NCKAP5: variants seen among roughly 807,000 people sequenced by gnomAD.
NCKAP5 encodes NCK associated protein 5.
A neutral mutation model predicts 167.0 loss-of-function variants in NCKAP5; 92 were observed. That is an observed-to-expected ratio of 0.55 (90% CI 0.47 to 0.66). The LOEUF is 0.66. Ranked by LOEUF, NCKAP5 falls within the 30% of genes least tolerant of loss-of-function variation. NCKAP5 has a pLI of 0.00. For synonymous variants in NCKAP5, 891 were observed against 877.4 expected (o/e 1.02, Z -0.27); for missense variants, 2,378 against 2,315.0 (o/e 1.03, Z -0.56).
chr2:132,951,277 G>A (rs1272433421), intron 8 of NCKAP5, among the ~76,000 whole-genome samples: 1 of 152,148 alleles, frequency 6.6e-6, no homozygotes, highest in East Asian at 1.9e-4. Context: ...CTGTAACTAA[G>A]GCGTTCCAAT....
At chr2:133,051,492 C>T (rs111489757) in intron 6 of NCKAP5, among the ~76,000 whole-genome samples, 11 of 152,084 alleles carry the variant, frequency 7.2e-5, no homozygotes, top group African/African-American at 2.7e-4. Flanking sequence ...TTCACTTGGT[C>T]AAAATTAAAG....
chr2:133,097,582 G>C (rs375202419), intron 6 of NCKAP5, among the ~76,000 whole-genome samples: 2 of 152,148 alleles, frequency 1.3e-5, no homozygotes, highest in African/African-American at 4.8e-5. Context: ...GATTCAATAA[G>C]AAAGAAAGGA....
intron 3 of NCKAP5, among the ~76,000 whole-genome samples, chr2:133,492,144 A>AGTGTGT (rs371797170): frequency 0.024 from 3,430 of 141,648 alleles, 153 homozygotes; most frequent in African/African-American, 0.087. Context: ...ATATCTAGTT[A>AGTGTGT]GTGTGTGTGT....
At chr2:132,754,582 G>T (rs1680379541) in intron 16 of NCKAP5, among the ~76,000 whole-genome samples, 1 of 152,234 alleles carries the variant, frequency 6.6e-6, no homozygotes, top group Non-Finnish European at 1.5e-5. Context: ...ACTCCCTGAA[G>T]AAGTAGGGCA....
Position 133,213,718 on chromosome 2 carries a change from T to C in NCKAP5, c.205A>G (p.Met69Val), listed in dbSNP as rs929018156. 8.1e-6 allele frequency: 13 copies of C among 1,613,710 alleles called. No individual in the cohort carries two copies. The highest frequency in any genetic ancestry group is 1.3e-5 in the African/African-American group (1 of 75,034). The change falls in exon 5 of 20, where the codon ATG becomes GTG. Residue 69 changes from methionine (M) to valine (V), a missense_variant and splice_region_variant. This residue lies in a region of NCKAP5 where 1,049 missense variants were observed against 1,023.4 expected (regional missense o/e 1.02). Transcript: ENST00000409261. Reference protein sequence around the residue: ...EVAQRTSEGAMHEKLIHELEE... With the variant: ...EVAQRTSEGAVHEKLIHELEE... Reference sequence around the variant, plus strand: ...AGGGGACGGCAGTCAGGACTTACCATGGCCCCCTCACTTGTTCTTTGGGCA... The same window carrying C: ...AGGGGACGGCAGTCAGGACTTACCACGGCCCCCTCACTTGTTCTTTGGGCA...
At chr2:133,566,892 G>GA (rs1247653144) in intron 1 of NCKAP5, among the ~76,000 whole-genome samples, 1 of 152,140 alleles carries the variant, frequency 6.6e-6, no homozygotes, top group African/African-American at 2.4e-5. Flanking sequence ...TGTTCTGATG[G>GA]AAAAAAATGG....
intron 2 of NCKAP5, among the ~76,000 whole-genome samples, chr2:133,538,800 A>G (rs1685955376): frequency 6.6e-6 from 1 of 152,106 alleles, no homozygotes; most frequent in African/African-American, 2.4e-5. Flanking sequence ...CACAGCTTAC[A>G]TAGGATGTTG....
At chr2:133,523,833 TAACA>T (rs1018695167) in intron 2 of NCKAP5, among the ~76,000 whole-genome samples, 4 of 152,102 alleles carry the variant, frequency 2.6e-5, no homozygotes, top group African/African-American at 9.7e-5. Context: ...CAAGGACAAA[TAACA>T]AACACAGTAA....
chr2:133,252,026 A>G (rs942259389), intron 4 of NCKAP5, among the ~76,000 whole-genome samples: 5 of 152,202 alleles, frequency 3.3e-5, no homozygotes, highest in African/African-American at 4.8e-5. Flanking sequence ...TTTCTTTAGG[A>G]AAAATAATAT....
the NCKAP5 span, among the ~76,000 whole-genome samples, chr2:133,608,896 C>T: frequency 1.3e-5 from 2 of 152,202 alleles, no homozygotes; most frequent in Non-Finnish European, 2.9e-5. Context: ...TGCTACTGCT[C>T]TCCATGGTCC....
chr2:133,447,811 T>C (rs1203606661), intron 3 of NCKAP5, among the ~76,000 whole-genome samples: 1 of 152,096 alleles, frequency 6.6e-6, no homozygotes, highest in Non-Finnish European at 1.5e-5. Flanking sequence ...AAGAAGGGAA[T>C]TTGAGACAGT....
At chr2:132,741,455 T>A (rs1159537685) in intron 16 of NCKAP5, among the ~76,000 whole-genome samples, 1 of 152,106 alleles carries the variant, frequency 6.6e-6, no homozygotes, top group African/African-American at 2.4e-5. Context: ...CAGCATTTGT[T>A]TGACAAGGTC....
intron 16 of NCKAP5, among the ~76,000 whole-genome samples, chr2:132,733,635 T>C (rs1052433091): frequency 1.3e-5 from 2 of 152,222 alleles, no homozygotes; most frequent in South Asian, 2.1e-4. Flanking sequence ...TACATATTAG[T>C]AGATATCTGA....
chr2:133,196,153 C>T (rs1382639297), intron 5 of NCKAP5, among the ~76,000 whole-genome samples: 2 of 152,146 alleles, frequency 1.3e-5, no homozygotes, highest in African/African-American at 2.4e-5. Flanking sequence ...AGTTCCTCTA[C>T]CCACCTGCCA....
chr2:133,185,085 T>C (rs866405733), intron 5 of NCKAP5, among the ~76,000 whole-genome samples: 20 of 152,158 alleles, frequency 1.3e-4, no homozygotes, highest in African/African-American at 4.1e-4. Context: ...AGAATTTTTA[T>C]AGTTTGAATT....
intron 16 of NCKAP5, among the ~76,000 whole-genome samples, chr2:132,773,258 C>G (rs966362281): frequency 1.3e-4 from 20 of 152,168 alleles, no homozygotes; most frequent in African/African-American, 4.8e-4. Flanking sequence ...GTAAAGAGGT[C>G]AGCAAAGTTC....
chr2:132,719,443 C>T (rs925024764), intron 19 of NCKAP5, among the ~76,000 whole-genome samples: 7 of 152,314 alleles, frequency 4.6e-5, no homozygotes, highest in Admixed American at 3.3e-4. Context: ...ACATATTTAA[C>T]GTGTACCTTG....
chr2:132,787,746 C>T (rs781665500), intron 13 of NCKAP5, among the ~76,000 whole-genome samples: 4 of 152,074 alleles, frequency 2.6e-5, no homozygotes, highest in Non-Finnish European at 4.4e-5. Context: ...AGAAGAAATC[C>T]CATTAGTGAA....
chr2:133,500,948 G>A (rs913721171), intron 3 of NCKAP5, among the ~76,000 whole-genome samples: 3 of 152,166 alleles, frequency 2.0e-5, no homozygotes, highest in African/African-American at 7.2e-5. Flanking sequence ...CTCTACAGCT[G>A]TACTGGGAAC....
Sources: allele counts gnomAD v4.1 joint callset (sites outside exome capture counted in the v4.1 genomes callset), GRCh38; gene constraint gnomAD v4.1.1; regional missense constraint gnomAD v4.1.1; transcripts MANE v1.5; gene names NCBI Gene and HGNC (gene_info 2026-07-23, HGNC 2026-07-21).